The following KHDRBS2 variants were observed in gnomAD, a reference collection of about 807,000 sequenced individuals.
KHDRBS2 encodes the protein KH RNA binding domain containing, signal transduction associated 2.
KHDRBS2 carries 26 observed loss-of-function variants against 44.3 expected under a neutral mutation model. The observed-to-expected ratio is 0.59, with a 90% confidence interval of 0.43 to 0.81. The LOEUF (loss-of-function observed/expected upper bound fraction) is 0.81. Among genes scored for constraint, KHDRBS2 ranks in the 40% least tolerant of loss-of-function variants. KHDRBS2 has a pLI of 0.00. For synonymous variants in KHDRBS2, 194 were observed against 151.1 expected, an observed-to-expected ratio of 1.28 and a Z score of -2.08; for missense variants, 476 against 433.1, an observed-to-expected ratio of 1.10 and a Z score of -0.88.
At chr6:61,678,072 C>G (rs1360960784), downstream of KHDRBS2, among the ~76,000 whole-genome samples, 1 of 150,352 alleles carries the variant, frequency 6.7e-6, no homozygotes, top group Admixed American at 6.6e-5. Context: ...GGTTTAAAAC[C>G]CTGCTTTAAA....
intron 3 of KHDRBS2, among the ~76,000 whole-genome samples, chr6:62,044,131 G>A (rs535290146): frequency 2.6e-4 from 39 of 151,876 alleles, no homozygotes; most frequent in African/African-American, 7.2e-4. Flanking sequence ...AGTAAAGATC[G>A]AGTTTAAGAC....
At chr6:61,855,227 TA>T (rs1795976702) in intron 6 of KHDRBS2, among the ~76,000 whole-genome samples, 1 of 152,122 alleles carries the variant, frequency 6.6e-6, no homozygotes, top group Non-Finnish European at 1.5e-5. Context: ...CTCTATACTC[TA>T]AATTTTAAAC....
At chr6:61,644,809 A>G in the KHDRBS2 span, among the ~76,000 whole-genome samples, 49 of 152,238 alleles carry the variant, frequency 3.2e-4, no homozygotes, top group African/African-American at 1.1e-3. Flanking sequence ...AAAAAATAAC[A>G]GGTGCTGGCA....
At chr6:62,010,928 C>T (rs1780180541) in intron 3 of KHDRBS2, among the ~76,000 whole-genome samples, 1 of 152,026 alleles carries the variant, frequency 6.6e-6, no homozygotes, top group African/African-American at 2.4e-5. Flanking sequence ...CCCAAACATT[C>T]CACCTCCTGT....
chr6:61,785,923 G>A (rs985364851), intron 6 of KHDRBS2, among the ~76,000 whole-genome samples: 1 of 151,814 alleles, frequency 6.6e-6, no homozygotes, highest in East Asian at 1.9e-4. Flanking sequence ...ACTTATTCAG[G>A]CAAATATAGT....
chr6:62,092,371 C>T (rs1230901930), intron 2 of KHDRBS2, among the ~76,000 whole-genome samples: 2 of 152,098 alleles, frequency 1.3e-5, no homozygotes, highest in East Asian at 3.9e-4. Context: ...TAGAGGTAAT[C>T]AGATTCAAAT....
At chr6:61,848,077 T>C (rs1562292275) in intron 6 of KHDRBS2, among the ~76,000 whole-genome samples, 2 of 151,992 alleles carry the variant, frequency 1.3e-5, no homozygotes, top group Non-Finnish European at 2.9e-5. Context: ...TCTGTGACCA[T>C]ACTAGCTCCT....
Position 61,712,693 on chromosome 6 carries a change from C to T in KHDRBS2, c.894-15440G>A, listed in dbSNP as rs78809906. Among the ~76,000 whole-genome samples, 752 of 151,912 alleles carry T rather than the reference C, an allele frequency of 5.0e-3. 5 individuals are homozygous for T. Among genetic ancestry groups the T allele is most frequent in the Non-Finnish European group, 7.3e-3 (492 of 67,854 alleles). On this transcript the variant is annotated intron_variant, in intron 7 of 8. Transcript: ENST00000281156. ...AACATGAGGATAAAATTATCTACTT[C>T]ATTAGATAATGTTTACACAGTACTT...
chr6:61,563,366 A>G, the KHDRBS2 span, among the ~76,000 whole-genome samples: 3,712 of 152,226 alleles, frequency 0.024, 70 homozygotes, highest in Middle Eastern at 0.085. Context: ...CATCTTATCT[A>G]TACTCCTGAG....
At chr6:62,257,318 C>T (rs1238329718) in intron 1 of KHDRBS2, among the ~76,000 whole-genome samples, 2 of 151,996 alleles carry the variant, frequency 1.3e-5, no homozygotes, top group African/African-American at 4.8e-5. Flanking sequence ...TAAAACACTG[C>T]AATATTGACT....
chr6:61,742,516 G>A (rs573222115), intron 6 of KHDRBS2, among the ~76,000 whole-genome samples: 94 of 151,990 alleles, frequency 6.2e-4, no homozygotes, highest in African/African-American at 2.1e-3. Context: ...CATTCTATCT[G>A]TGGTATTGTT....
At chr6:61,775,925 A>T (rs1257707307) in intron 6 of KHDRBS2, among the ~76,000 whole-genome samples, 1 of 152,258 alleles carries the variant, frequency 6.6e-6, no homozygotes, top group African/African-American at 2.4e-5. Context: ...ACAGCATGGT[A>T]CTGGTACCAA....
At chr6:62,157,881 T>G (rs1443207961) in intron 2 of KHDRBS2, among the ~76,000 whole-genome samples, 2 of 152,208 alleles carry the variant, frequency 1.3e-5, no homozygotes, top group African/African-American at 2.4e-5. Flanking sequence ...CTTCCCCCTT[T>G]TCTTCAATCT....
intron 2 of KHDRBS2, among the ~76,000 whole-genome samples, chr6:62,075,414 T>C (rs1796134780): frequency 1.3e-5 from 2 of 152,074 alleles, no homozygotes; most frequent in Admixed American, 1.3e-4. Context: ...TTTTGTTGTT[T>C]ATAAATAACC....
At chr6:62,034,059 A>G (rs1329460686) in intron 3 of KHDRBS2, among the ~76,000 whole-genome samples, 2 of 151,892 alleles carry the variant, frequency 1.3e-5, no homozygotes, top group Admixed American at 1.3e-4. Flanking sequence ...TATATTGGAA[A>G]ATCTAGAAGA....
chr6:62,187,871 G>A (rs550531317), intron 1 of KHDRBS2, among the ~76,000 whole-genome samples: 3 of 152,178 alleles, frequency 2.0e-5, no homozygotes, highest in Admixed American at 6.5e-5. Context: ...ACCTGAGGCT[G>A]GGTAATTTAT....
chr6:61,906,662 C>A (rs1805088139), intron 4 of KHDRBS2, among the ~76,000 whole-genome samples: 1 of 152,058 alleles, frequency 6.6e-6, no homozygotes, highest in African/African-American at 2.4e-5. Flanking sequence ...ATTTGTATTT[C>A]TGTGCCAGGC....
intron 6 of KHDRBS2, among the ~76,000 whole-genome samples, chr6:61,760,282 T>C (rs998535938): frequency 2.0e-5 from 3 of 152,170 alleles, no homozygotes; most frequent in African/African-American, 4.8e-5. Context: ...AGGCCCCAAA[T>C]TGTTATTGAT....
chr6:61,765,930 C>T (rs1451758233), intron 6 of KHDRBS2, among the ~76,000 whole-genome samples: 1 of 127,982 alleles, frequency 7.8e-6, no homozygotes, highest in African/African-American at 3.6e-5. Context: ...GGTTTATTGG[C>T]CTGTAGTTTT....
Sources: gnomAD v4.1 joint callset for allele counts (sites outside exome capture counted in the v4.1 genomes callset) on GRCh38, gnomAD v4.1.1 for gene constraint, MANE v1.5 for transcripts, NCBI Gene and HGNC (gene_info 2026-07-23, HGNC 2026-07-21) for gene names.